SULF1: variants seen among roughly 807,000 people sequenced by gnomAD.
The protein encoded by SULF1 is extracellular sulfatase Sulf-1.
SULF1 carries 46 observed loss-of-function variants against 110.5 expected under a neutral mutation model. The observed-to-expected ratio is 0.42, with a 90% CI of 0.33 to 0.53. The LOEUF (loss-of-function observed/expected upper bound fraction) is 0.53. SULF1 is among the 20% of genes least tolerant of loss of function. SULF1 has a pLI of 0.12. For missense variants in SULF1, 941 were observed against 1,094.2 expected (o/e 0.86, Z 1.98); for synonymous variants, 371 against 387.1 (o/e 0.96, Z 0.49).
intron 5 of SULF1, 78 bp downstream of exon 5, chr8:69,564,225 T>G: frequency 6.5e-7 from 1 of 1,535,918 alleles, no homozygotes; most frequent in South Asian, 1.2e-5. Context: ...CAGGAGACAT[T>G]CTGAGGCTTT....
chr8:69,641,796 G>C (rs942658088), intron 22 of SULF1, among the ~76,000 whole-genome samples: 9 of 152,072 alleles, frequency 5.9e-5, no homozygotes, highest in Middle Eastern at 3.4e-3. Context: ...TGTCAACACA[G>C]CACCAAGACA....
chr8:69,504,996 C>A (rs1341317762), intron 3 of SULF1, among the ~76,000 whole-genome samples: 1 of 152,130 alleles, frequency 6.6e-6, no homozygotes, highest in Non-Finnish European at 1.5e-5. Context: ...GTATAAAGTT[C>A]TTTCATTTAA....
Position 69,600,729 on chromosome 8 carries a change from G to A in SULF1, c.861G>A (p.Met287Ile), listed in dbSNP as rs1391580571. The A allele has an allele frequency of 1.2e-6, 2 of 1,613,962 alleles. No individual in the cohort carries two copies. The highest frequency in any genetic ancestry group is 1.7e-6 in the Non-Finnish European group (2 of 1,179,876). Reference sequence around the variant, plus strand: ...AGCGCAAAAGGCTCCAGACTTTGATGTCAGTGGATGATTCTGTGGAGAGGG... The same window carrying A: ...AGCGCAAAAGGCTCCAGACTTTGATATCAGTGGATGATTCTGTGGAGAGGG... ...ILQRKRLQTLMSVDDSVERLY... is the reference protein window; with the variant it reads ...ILQRKRLQTLISVDDSVERLY... Residue 287 changes from methionine (M) to isoleucine (I), a missense_variant, in exon 9 of 23, where the codon ATG becomes ATA. Physicochemically the swap from Met to Ile is conservative, Grantham distance 10. Around this residue, in one of 3 missense-constraint regions of SULF1, gnomAD observed 822 missense variants for 934.3 expected, o/e 0.88. Transcript: ENST00000402687.
chr8:69,616,849 G>A lies in SULF1; in HGVS notation c.1378-4186G>A, dbSNP rs375380037. 5.1e-4 allele frequency among the ~76,000 whole-genome samples: 77 copies of A among 151,792 alleles called. 1 individual carries two copies. The South Asian group carries it at 0.012, about 23-fold the overall frequency. On this transcript the variant is annotated intron_variant, in intron 13 of 22. Coordinates refer to ENST00000402687, the MANE Select transcript of SULF1 (RefSeq NM_001128205.2). ...ATTACAGGCGTGAGCCACCACACCC[G>A]GCCTCAAGAATAAAATTAGCCATAT...
chr8:69,628,728 A>ATAAAAAATAATTC (rs1230843434), intron 18 of SULF1, among the ~76,000 whole-genome samples: 1 of 152,240 alleles, frequency 6.6e-6, no homozygotes, highest in Non-Finnish European at 1.5e-5. Flanking sequence ...AAACAAAATA[A>ATAAAAAATAATTC]TAAAAAATAA....
At position 69,660,908 on chromosome 8, in the gene SULF1, AC is replaced by A. The variant is rs1180678721; in HGVS notation, c.*2374del. 1 of 152,620 alleles carries A rather than the reference AC, an allele frequency of 6.6e-6. No individual in the cohort carries two copies. The highest frequency in any genetic ancestry group is 1.5e-5 in the Non-Finnish European group (1 of 68,028). 9.5% of individuals were successfully genotyped at this position (152,620 alleles called of 1,614,324 possible). A position where few individuals can be genotyped will look rare whatever the true frequency, so the allele number is the denominator to read the frequency against. On this transcript the variant is annotated 3_prime_UTR_variant, in exon 23 of 23. Transcript: ENST00000402687. ...ATTTCTTCAAATAAAAGGTGTTTAA[AC>A]TTTTTTCTGTTTCAGAGAAATGAAC...
intron 5 of SULF1, among the ~76,000 whole-genome samples, chr8:69,569,550 T>G (rs1805066324): frequency 6.6e-6 from 1 of 152,232 alleles, no homozygotes; most frequent in South Asian, 2.1e-4. Context: ...CATTTATCAT[T>G]GACCATACTG....
At position 69,501,426 on chromosome 8, in the gene SULF1, T is replaced by G. The variant is rs553418034; in HGVS notation, c.-228-448T>G. On this transcript the variant is annotated intron_variant, in intron 2 of 22. Transcript: ENST00000402687. ...AACAAATTTTACCACTTGGAAATGC[T>G]TACTTTGCTAGTCATCAAATAATAG... is the stretch of plus-strand genomic sequence containing the variant. Among the ~76,000 whole-genome samples, 3 of 152,360 alleles carry G rather than the reference T, an allele frequency of 2.0e-5. No homozygotes were observed. In the East Asian group the frequency reaches 5.8e-4, roughly 29 times the overall value.
intron 3 of SULF1, among the ~76,000 whole-genome samples, chr8:69,524,515 C>T (rs891967100): frequency 6.6e-6 from 1 of 152,090 alleles, no homozygotes; most frequent in Non-Finnish European, 1.5e-5. Flanking sequence ...GAGGATGGCA[C>T]CAAGTATTCA....
intron 17 of SULF1, 93 bp downstream of exon 17, chr8:69,627,959 T>A: frequency 1.0e-6 from 1 of 981,504 alleles, no homozygotes. Flanking sequence ...CTCTTACCTA[T>A]AGAATGTATT....
chr8:69,645,731 C>G (rs10098851), intron 22 of SULF1, among the ~76,000 whole-genome samples: 73,230 of 151,836 alleles, frequency 0.48, 17,909 homozygotes, highest in South Asian at 0.59. Flanking sequence ...GGGGACTTAT[C>G]ATCAGTTCCG....
chr8:69,601,746 G>A lies in SULF1; in HGVS notation c.978G>A (p.Leu326=). 1 of 1,613,592 alleles carries A rather than the reference G, an allele frequency of 6.2e-7. No individual in the cohort carries two copies. Among genetic ancestry groups the A allele is most frequent in the Non-Finnish European group, 8.5e-7 (1 of 1,179,818 alleles). ...GTTACCATATTGGGCAGTTTGGACT[G>A]GTCAAGGGGAAATCCATGCCATATG... is the stretch of plus-strand genomic sequence containing the variant. ...DHGYHIGQFG[L]VKGKSMPYDF... Residue 326 remains leucine, a synonymous_variant, in exon 10 of 23, where the codon CTG becomes CTA. Transcript: ENST00000402687.
chr8:69,611,694 T>C (rs1165134122), intron 13 of SULF1, among the ~76,000 whole-genome samples: 1 of 152,228 alleles, frequency 6.6e-6, no homozygotes, highest in Non-Finnish European at 1.5e-5. Context: ...AAAATTACTA[T>C]ACAGTTGTGA....
chr8:69,570,051 G>A (rs1030306044), intron 5 of SULF1, among the ~76,000 whole-genome samples: 2 of 152,172 alleles, frequency 1.3e-5, no homozygotes, highest in Admixed American at 1.3e-4. Flanking sequence ...GAAAATAACT[G>A]TTGGCATGTG....
At chr8:69,580,670 A>G (rs1806000665) in intron 6 of SULF1, among the ~76,000 whole-genome samples, 1 of 152,232 alleles carries the variant, frequency 6.6e-6, no homozygotes, top group Admixed American at 6.5e-5. Context: ...AACACATGGT[A>G]CATAAAATCA....
intron 22 of SULF1, among the ~76,000 whole-genome samples, chr8:69,644,325 C>G (rs754249812): frequency 1.3e-5 from 2 of 152,174 alleles, no homozygotes; most frequent in Non-Finnish European, 2.9e-5. Flanking sequence ...AGGCGCCAAG[C>G]CCCAGTAAGT....
intron 8 of SULF1, 66 bp downstream of exon 8, chr8:69,589,207 C>T: frequency 6.8e-7 from 1 of 1,480,014 alleles, no homozygotes; most frequent in East Asian, 2.4e-5. Flanking sequence ...CATCCCACTC[C>T]TCTCCTTTAC....
intron 3 of SULF1, among the ~76,000 whole-genome samples, chr8:69,530,319 G>GA (rs1194714317): frequency 6.6e-6 from 1 of 152,104 alleles, no homozygotes; most frequent in Admixed American, 6.6e-5. Flanking sequence ...TCAGTTATCT[G>GA]AAAAATATTT....
chr8:69,491,355 A>G (rs1809933475), upstream of SULF1, among the ~76,000 whole-genome samples: 1 of 152,224 alleles, frequency 6.6e-6, no homozygotes, highest in Admixed American at 6.5e-5. Flanking sequence ...AGCACATATT[A>G]TTTCAATAAT....
Sources: allele counts gnomAD v4.1 joint callset (sites outside exome capture counted in the v4.1 genomes callset), GRCh38; gene constraint gnomAD v4.1.1; regional missense constraint gnomAD v4.1.1; transcripts MANE v1.5; gene names NCBI Gene and HGNC (gene_info 2026-07-23, HGNC 2026-07-21).